Variants in SOD2 observed in about 807,000 individuals in gnomAD.
The protein encoded by SOD2 is superoxide dismutase [Mn], mitochondrial.
Under a neutral mutation model 27.0 loss-of-function variants are expected in SOD2, and 11 were observed. That is an observed-to-expected ratio of 0.41 (90% CI 0.26 to 0.67). The LOEUF (loss-of-function observed/expected upper bound fraction) is 0.67, where lower values mean the gene tolerates loss of function less well. Among genes scored for constraint, SOD2 ranks in the 30% least tolerant of loss-of-function variants. The pLI is 0.34. For synonymous variants in SOD2, 105 were observed against 103.0 expected, an observed-to-expected ratio of 1.02 and a Z score of -0.12; for missense variants, 250 against 274.5, an observed-to-expected ratio of 0.91 and a Z score of 0.63.
intron 1 of SOD2, among the ~76,000 whole-genome samples, chr6:159,716,134 C>T (rs530523161): frequency 4.1e-4 from 62 of 152,276 alleles, no homozygotes; most frequent in African/African-American, 1.5e-3. Flanking sequence ...CATTTTATTT[C>T]ACTTGCTGAT....
chr6:159,669,579 G>A lies in SOD2; in HGVS notation c.*12914C>T, dbSNP rs556073839. 6.6e-6 allele frequency: 1 copy of A among 152,240 alleles called. No individual in the cohort carries two copies. The highest frequency in any genetic ancestry group is 6.5e-5 in the Admixed American group (1 of 15,288). The allele number at this position is 152,240 out of a possible 1,614,324, so 9.4% of individuals were successfully genotyped here. ...CCAGCACCTTAGGAGGCCAAAGCAG[G>A]AGGACTGCTTTGAGACCCAGAGTTT... On this transcript the variant is annotated 3_prime_UTR_variant, in exon 5 of 5. Coordinates refer to ENST00000538183, the MANE Select transcript of SOD2 (RefSeq NM_000636.4).
intron 1 of SOD2, among the ~76,000 whole-genome samples, chr6:159,707,408 G>C (rs936778501): frequency 3.3e-5 from 5 of 152,080 alleles, no homozygotes; most frequent in African/African-American, 9.7e-5. Context: ...GAATCAAATA[G>C]ATGCAATAAA....
At chr6:159,747,603 A>T (rs192205853), upstream of SOD2, among the ~76,000 whole-genome samples, 2 of 152,336 alleles carry the variant, frequency 1.3e-5, no homozygotes, top group East Asian at 3.9e-4. Flanking sequence ...TCAAATGTGT[A>T]TTTTAAGTTA....
At chr6:159,727,090 C>G in intron 1 of SOD2, 1 of 1,195,438 alleles carries the variant, frequency 8.4e-7, no homozygotes, top group Non-Finnish European at 1.1e-6. Context: ...TGACCTCCGA[C>G]CTCGCTGGCC....
intron 1 of SOD2, among the ~76,000 whole-genome samples, chr6:159,706,405 A>G (rs991149219): frequency 7.2e-5 from 11 of 152,186 alleles, no homozygotes; most frequent in Non-Finnish European, 1.5e-4. Context: ...TAGGCTCAAA[A>G]TAAAGGGATG....
chr6:159,702,692 G>GAAAC (rs1777546362), intron 1 of SOD2, among the ~76,000 whole-genome samples: 1 of 120,506 alleles, frequency 8.3e-6, no homozygotes, highest in South Asian at 2.9e-4. Context: ...AAGAAAGAAA[G>GAAAC]AAAGAAAAAA....
exon 1 of SOD2, chr6:159,761,698 T>C: frequency 2.6e-6 from 1 of 381,030 alleles, no homozygotes; most frequent in South Asian, 1.9e-5. Flanking sequence ...ACCCTAAGAT[T>C]TTTTAAAAAA....
intron 1 of SOD2, chr6:159,720,659 CT>C (rs1778017967): frequency 6.6e-6 from 1 of 152,034 alleles, no homozygotes; most frequent in Non-Finnish European, 1.5e-5. Context: ...CTATTTATTG[CT>C]TATAGTCTTA....
Position 159,735,727 on chromosome 6 carries a change from C to T in SOD2, c.-116+9403G>A, listed in dbSNP as rs572173507. ...TCGCGCCACTGCACTCCATCCTGGGCGACAGAGTGAGACTGTGTCTCAAAA... is the reference window on the plus strand; with the variant it reads ...TCGCGCCACTGCACTCCATCCTGGGTGACAGAGTGAGACTGTGTCTCAAAA... On this transcript the variant is annotated intron_variant, in intron 1 of 3. Coordinates refer to the SOD2 transcript ENST00000537657. Among the ~76,000 whole-genome samples the T allele has an allele frequency of 6.6e-5, 10 of 151,852 alleles. No individual in the cohort carries two copies. In the South Asian group the frequency reaches 1.7e-3, roughly 25 times the overall value.
At position 159,753,321 on chromosome 6, in the gene SOD2, AAAG is replaced by A. The variant is rs771490212; in HGVS notation, c.-335-4648_-335-4646del. ...ATGCAGAAGATGGATGTGTCCCAGA[AAAG>A]AAGATGGTAATTATGGGGAAGCATC... On this transcript the variant is annotated intron_variant, in intron 1 of 7. Coordinates refer to the SOD2 transcript ENST00000546087. 430 of 1,235,940 alleles carry A rather than the reference AAAG, an allele frequency of 3.5e-4. 2 individuals are homozygous for A. Among genetic ancestry groups the A allele is most frequent in the Non-Finnish European group, 4.6e-4 (403 of 882,314 alleles). The allele number at this position is 1,235,940 out of a possible 1,614,324, so 76.6% of individuals were successfully genotyped here.
intron 1 of SOD2, among the ~76,000 whole-genome samples, chr6:159,757,691 G>A (rs1408653347): frequency 6.6e-6 from 1 of 152,158 alleles, no homozygotes; most frequent in African/African-American, 2.4e-5. Context: ...GATTACAGGT[G>A]TGAGCCACCG....
At chr6:159,709,557 G>A (rs184324542) in intron 1 of SOD2, among the ~76,000 whole-genome samples, 1 of 152,158 alleles carries the variant, frequency 6.6e-6, no homozygotes, top group Non-Finnish European at 1.5e-5. Context: ...CAAATCAAAA[G>A]CACAATGAGA....
chr6:159,713,053 C>T lies in SOD2; in HGVS notation c.-116+14076G>A. 1.2e-5 allele frequency: 8 copies of T among 654,030 alleles called. No individual in the cohort carries two copies. In the South Asian group the frequency reaches 1.6e-4, roughly 13 times the overall value. The allele number at this position is 654,030 out of a possible 1,614,324, so 40.5% of individuals were successfully genotyped here. ...TCATCGTGTCCAATTTCAATATGTA[C>T]TCTCATGAGGTTAAGAGGTGAATAG... On this transcript the variant is annotated intron_variant, in intron 1 of 2. Transcript: ENST00000401980.
chr6:159,692,647 A>T lies in SOD2; in HGVS notation c.226+14T>A. On this transcript the variant is annotated intron_variant, in intron 2 of 4. Transcript: ENST00000538183. ...TGCCGGGGACTGCCTCCCGCCGCTCAGCCTGGAACCTACCCTTGGCCAACG... is the reference window on the plus strand; with the variant it reads ...TGCCGGGGACTGCCTCCCGCCGCTCTGCCTGGAACCTACCCTTGGCCAACG... 1.2e-6 allele frequency: 2 copies of T among 1,612,150 alleles called. No homozygotes were observed. Among genetic ancestry groups the T allele is most frequent in the Non-Finnish European group, 1.7e-6 (2 of 1,178,986 alleles).
chr6:159,698,621 A>G (rs1442416500), intron 1 of SOD2, among the ~76,000 whole-genome samples: 1 of 151,654 alleles, frequency 6.6e-6, no homozygotes, highest in Admixed American at 6.6e-5. Flanking sequence ...TTAGAAAAAA[A>G]AAAAAACAAG....
chr6:159,739,824 CTTTTTTTTTTTTTTTTT>C (rs56389349), intron 1 of SOD2, among the ~76,000 whole-genome samples: 2 of 85,158 alleles, frequency 2.3e-5, no homozygotes, highest in Non-Finnish European at 4.4e-5. Context: ...CACTTTTTAC[CTTTTTTTTTTTTTTTTT>C]TTTTTTTTTT....
chr6:159,717,483 TA>T (rs1232286602), intron 1 of SOD2, among the ~76,000 whole-genome samples: 12 of 152,338 alleles, frequency 7.9e-5, no homozygotes, highest in African/African-American at 2.9e-4. Flanking sequence ...GATATTTCCA[TA>T]CATGTATACA....
chr6:159,755,996 G>C (rs1365403261), intron 1 of SOD2: 1 of 172,348 alleles, frequency 5.8e-6, no homozygotes, highest in East Asian at 1.7e-4. Context: ...TCGTACTCAT[G>C]CTGTTACTGT....
chr6:159,747,610 G>T (rs530374351), upstream of SOD2, among the ~76,000 whole-genome samples: 16 of 152,280 alleles, frequency 1.1e-4, no homozygotes, highest in African/African-American at 3.9e-4. Context: ...TGTATTTTAA[G>T]TTATAATCTT....
Sources: allele counts gnomAD v4.1 joint callset (sites outside exome capture counted in the v4.1 genomes callset), GRCh38; gene constraint gnomAD v4.1.1; transcripts MANE v1.5; gene names NCBI Gene and HGNC (gene_info 2026-07-23, HGNC 2026-07-21).